Variants in DNAH3 observed in about 807,000 individuals in gnomAD.
The protein encoded by DNAH3 is axonemal beta dynein heavy chain 3.
Under a neutral mutation model 432.5 loss-of-function variants are expected in DNAH3, and 332 were observed. The observed-to-expected ratio is 0.77, with a 90% CI of 0.70 to 0.84. The LOEUF is 0.84. DNAH3 is among the 40% of genes least tolerant of loss of function. DNAH3 has a pLI of 0.00. For missense variants in DNAH3, 4,861 were observed against 5,114.0 expected (o/e 0.95, Z 1.51); for synonymous variants, 1,956 against 1,900.2 (o/e 1.03, Z -0.76).
At chr16:21,059,569 GTTC>G (rs2090268905) in intron 26 of DNAH3, among the ~76,000 whole-genome samples, 1 of 152,148 alleles carries the variant, frequency 6.6e-6, no homozygotes, top group Admixed American at 6.6e-5. Context: ...GAGGTCAGGA[GTTC>G]GAGACCAGCC....
chr16:21,107,987 C>CT lies in DNAH3; in HGVS notation c.2100-1314_2100-1313insA, dbSNP rs2091986344. On this transcript the variant is annotated intron_variant, in intron 14 of 61. Coordinates refer to ENST00000261383, the Ensembl canonical transcript of DNAH3. The stretch of plus-strand genomic sequence containing the variant: ...TTCAAGCAATTCTCTGCCTCAGCCT[C>CT]CCTAGTAGCTGGGATTACAGGCACC... 2.0e-5 allele frequency among the ~76,000 whole-genome samples: 3 copies of CT among 152,190 alleles called. No individual in the cohort carries two copies. The South Asian group carries it at 6.2e-4, about 32-fold the overall frequency.
At chr16:21,154,169 C>T (rs940942158) in intron 1 of DNAH3, among the ~76,000 whole-genome samples, 1 of 152,318 alleles carries the variant, frequency 6.6e-6, no homozygotes, top group South Asian at 2.1e-4. Flanking sequence ...CTGGGGAGGC[C>T]AAGGCGAGTG....
chr16:20,986,208 A>G lies in DNAH3; in HGVS notation c.7027-493T>C, dbSNP rs542268897. 5.3e-5 allele frequency among the ~76,000 whole-genome samples: 8 copies of G among 151,862 alleles called. No homozygotes were observed. The South Asian group carries it at 6.3e-4, about 12-fold the overall frequency. On this transcript the variant is annotated intron_variant, in intron 47 of 61. Coordinates refer to ENST00000261383, the Ensembl canonical transcript of DNAH3. ...TGTGGATTTCATGCTTGTAAAGACT[A>G]TAATGAAAGAACATTGCTGGGCACG...
At chr16:21,156,510 G>C (rs922945040) in intron 1 of DNAH3, among the ~76,000 whole-genome samples, 5 of 152,132 alleles carry the variant, frequency 3.3e-5, no homozygotes, top group Non-Finnish European at 7.3e-5. Context: ...GGGATTATAG[G>C]TGTGAGCCAC....
chr16:21,060,416 T>G (rs1597272321), intron 25 of DNAH3, 60 bp from the exon 26 acceptor site: 1 of 1,306,420 alleles, frequency 7.7e-7, no homozygotes, highest in Non-Finnish European at 1.1e-6. Context: ...GGAGGGAGAG[T>G]GGGCAGAACA....
chr16:21,136,670 A>C, intron 5 of DNAH3, 157 bp from the exon 7 acceptor site: 1 of 690,016 alleles, frequency 1.4e-6, no homozygotes, highest in Non-Finnish European at 2.5e-6. Context: ...CTTCACACTC[A>C]TGGCAAGAAG....
chr16:21,014,278 A>G (rs1158396264), intron 41 of DNAH3, among the ~76,000 whole-genome samples: 1 of 152,226 alleles, frequency 6.6e-6, no homozygotes. Context: ...TTATTATTCC[A>G]AGGTATATAA....
At chr16:20,936,732 T>C (rs1458727624) in exon 60 of DNAH3, 1 of 1,610,608 alleles carries the variant, frequency 6.2e-7, no homozygotes, top group Admixed American at 1.7e-5. Context: ...GCTGCCCACA[T>C]GGCTGGCACT....
chr16:21,087,935 A>G (rs1162344179), intron 18 of DNAH3, among the ~76,000 whole-genome samples: 1 of 152,096 alleles, frequency 6.6e-6, no homozygotes, highest in African/African-American at 2.4e-5. Flanking sequence ...GTAACACCTC[A>G]TTGTTTAAAC....
At chr16:20,991,521 C>G (rs1056948594) in intron 44 of DNAH3, among the ~76,000 whole-genome samples, 1 of 152,206 alleles carries the variant, frequency 6.6e-6, no homozygotes, top group African/African-American at 2.4e-5. Flanking sequence ...GCCTCGGCCT[C>G]CCAAAGTGCT....
At chr16:21,049,036 C>G (rs2089843015) in intron 31 of DNAH3, among the ~76,000 whole-genome samples, 1 of 151,488 alleles carries the variant, frequency 6.6e-6, no homozygotes. Context: ...CACTCTCACC[C>G]AGGCTGGAAT....
At chr16:20,936,882 G>A in intron 59 of DNAH3, 29 bp from the exon 60 acceptor site, 1 of 1,578,448 alleles carries the variant, frequency 6.3e-7, no homozygotes, top group Non-Finnish European at 8.6e-7. Flanking sequence ...TGGCTGAGCT[G>A]GGCTCTCCGG....
Position 20,963,369 on chromosome 16 carries a change from C to T in DNAH3, c.10515G>A (p.Thr3505=), listed in dbSNP as rs143604518. 3,159 of 1,614,110 alleles carry T rather than the reference C, an allele frequency of 2.0e-3. 75 individuals carry two copies. The South Asian group carries it at 0.032, about 16-fold the overall frequency. Reference sequence around the variant, plus strand: ...CATTGTAGGATCCCTGGAGATCGAACGTAGGGGCTTCGATATACAGCTTTC... The same window carrying T: ...CATTGTAGGATCCCTGGAGATCGAATGTAGGGGCTTCGATATACAGCTTTC... The change falls in exon 53 of 62, where the codon ACG becomes ACA. Residue 3505 remains threonine, a synonymous_variant. Transcript: ENST00000261383.
chr16:20,964,281 G>T (rs761608202), exon 53 of DNAH3: 1 of 1,614,158 alleles, frequency 6.2e-7, no homozygotes, highest in Non-Finnish European at 8.5e-7. Context: ...GTTGATCTTG[G>T]AGACCCAAGG....
At chr16:20,995,131 A>G (rs752520630) in intron 44 of DNAH3, among the ~76,000 whole-genome samples, 2 of 152,012 alleles carry the variant, frequency 1.3e-5, no homozygotes, top group Non-Finnish European at 1.5e-5. Flanking sequence ...TTTTTTGTAG[A>G]GATGGTGTTT....
intron 44 of DNAH3, among the ~76,000 whole-genome samples, chr16:20,988,595 G>C (rs756592891): frequency 2.6e-5 from 4 of 152,054 alleles, no homozygotes; most frequent in East Asian, 1.9e-4. Flanking sequence ...ATGAGACACC[G>C]CGCCCAGCCT....
chr16:20,970,535 C>T lies in DNAH3; in HGVS notation c.8260-545G>A, dbSNP rs555441224. ...GTGAAATTGAAACTCTGTCTAAAAA[C>T]AAAAACAAAACAAAAATCTCACATA... On this transcript the variant is annotated intron_variant, in intron 51 of 61. Coordinates refer to ENST00000261383, the Ensembl canonical transcript of DNAH3. 2.6e-5 allele frequency among the ~76,000 whole-genome samples: 4 copies of T among 152,210 alleles called. No individual in the cohort carries two copies. In the South Asian group the frequency reaches 6.2e-4, roughly 24 times the overall value.
chr16:21,072,814 A>AATTATTATTATT (rs10592697), intron 21 of DNAH3, among the ~76,000 whole-genome samples: 25 of 146,410 alleles, frequency 1.7e-4, no homozygotes, highest in Admixed American at 6.2e-4. Context: ...ATACTCAGCT[A>AATTATTATTATT]ATTATTATTA....
intron 18 of DNAH3, among the ~76,000 whole-genome samples, chr16:21,091,555 T>G (rs1455741052): frequency 6.6e-6 from 1 of 152,176 alleles, no homozygotes; most frequent in Non-Finnish European, 1.5e-5. Flanking sequence ...CAGTGGCTCA[T>G]GCCTGTAATC....
Sources: gnomAD v4.1 joint callset for allele counts (sites outside exome capture counted in the v4.1 genomes callset) on GRCh38, gnomAD v4.1.1 for gene constraint, MANE v1.5 for transcripts, NCBI Gene and HGNC (gene_info 2026-07-23, HGNC 2026-07-21) for gene names.